ZFAND6: variants seen among roughly 807,000 people sequenced by gnomAD.
ZFAND6 encodes AN1-type zinc finger protein 6.
A neutral mutation model predicts 24.5 loss-of-function variants in ZFAND6; 12 were observed. The observed-to-expected ratio is 0.49, with a 90% CI of 0.31 to 0.79. The LOEUF (loss-of-function observed/expected upper bound fraction) is 0.79, where lower values mean the gene tolerates loss of function less well. Among genes scored for constraint, ZFAND6 ranks in the 30% least tolerant of loss-of-function variants. ZFAND6 has a pLI of 0.04. For synonymous variants in ZFAND6, 92 were observed against 81.5 expected, an observed-to-expected ratio of 1.13 and a Z score of -0.69; for missense variants, 207 against 245.9, an observed-to-expected ratio of 0.84 and a Z score of 1.06.
intron 2 of ZFAND6, among the ~76,000 whole-genome samples, chr15:80,107,676 G>A (rs1217231291): frequency 6.6e-6 from 1 of 152,070 alleles, no homozygotes; most frequent in Non-Finnish European, 1.5e-5. Context: ...AACACAAAAA[G>A]TCATGATGAT....
intron 1 of ZFAND6, among the ~76,000 whole-genome samples, chr15:80,074,151 T>A (rs2037134704): frequency 6.6e-6 from 1 of 151,928 alleles, no homozygotes; most frequent in Non-Finnish European, 1.5e-5. Flanking sequence ...GTTGATTAGT[T>A]TTTGCCTAAA....
At position 80,062,132 on chromosome 15, in the gene ZFAND6, TC is replaced by T. The variant is rs199789595; in HGVS notation, c.-181+2325del. 1.2e-3 allele frequency among the ~76,000 whole-genome samples: 181 copies of T among 152,324 alleles called. 1 individual carries two copies. In the East Asian group the frequency reaches 0.032, roughly 27 times the overall value. On this transcript the variant is annotated intron_variant, in intron 1 of 6. Coordinates refer to ENST00000261749, the MANE Select transcript of ZFAND6 (RefSeq NM_019006.4). ...TAAAATAAATTATCCTTTCTGCTGTTCCTCTCCTCCCCTCTAATCTCTAGCA... is the reference window on the plus strand; with the variant it reads ...TAAAATAAATTATCCTTTCTGCTGTTCTCTCCTCCCCTCTAATCTCTAGCA...
At chr15:80,082,459 T>TA (rs1434763222) in intron 1 of ZFAND6, among the ~76,000 whole-genome samples, 3 of 152,240 alleles carry the variant, frequency 2.0e-5, no homozygotes, top group Non-Finnish European at 2.9e-5. Flanking sequence ...GGAAGGCTGA[T>TA]ACCAGAGCAT....
intron 4 of ZFAND6, 66 bp from the exon 5 acceptor site, chr15:80,122,632 CTG>C: frequency 1.0e-6 from 1 of 987,734 alleles, no homozygotes; most frequent in Non-Finnish European, 1.6e-6. Flanking sequence ...TGAACTCTTA[CTG>C]TGTCACATTA....
At chr15:80,111,287 C>T (rs2039595969) in intron 2 of ZFAND6, 1 of 320,958 alleles carries the variant, frequency 3.1e-6, no homozygotes, top group South Asian at 2.6e-5. Context: ...ATATATCAGT[C>T]ATCCCTCAGT....
chr15:80,068,673 G>T (rs1205194254), intron 1 of ZFAND6, among the ~76,000 whole-genome samples: 1 of 152,214 alleles, frequency 6.6e-6, no homozygotes, highest in Non-Finnish European at 1.5e-5. Context: ...CGCTCAGCCG[G>T]TCTTGAACTT....
chr15:80,136,746 C>G (rs1288241829), intron 6 of ZFAND6, among the ~76,000 whole-genome samples: 1 of 152,100 alleles, frequency 6.6e-6, no homozygotes, highest in Non-Finnish European at 1.5e-5. Context: ...GGGAGCAGGA[C>G]CAGTTTTATT....
chr15:80,087,222 C>T (rs1469607165), intron 1 of ZFAND6, among the ~76,000 whole-genome samples: 3 of 152,150 alleles, frequency 2.0e-5, no homozygotes, highest in East Asian at 1.9e-4. Context: ...TAACTTCATA[C>T]GAAATGGTCA....
Position 80,138,116 on chromosome 15 carries a change from A to T in ZFAND6, c.*488A>T, listed in dbSNP as rs545822360. 1.3e-5 allele frequency: 2 copies of T among 153,040 alleles called. No homozygotes were observed. Among genetic ancestry groups the T allele is most frequent in the South Asian group, 2.1e-4 (1 of 4,840 alleles). 9.5% of individuals were successfully genotyped at this position (153,040 alleles called of 1,614,324 possible). A position where few individuals can be genotyped will look rare whatever the true frequency, so the allele number is the denominator to read the frequency against. On this transcript the variant is annotated 3_prime_UTR_variant, in exon 7 of 7. Coordinates refer to ENST00000261749, the MANE Select transcript of ZFAND6 (RefSeq NM_019006.4). Reference sequence around the variant, plus strand: ...CATTAACAAAGGTTATTCATATGTTAGCATATAGTTTCTTTGCACCCACTA... The same window carrying T: ...CATTAACAAAGGTTATTCATATGTTTGCATATAGTTTCTTTGCACCCACTA...
chr15:80,059,081 G>A (rs1293723322), upstream of ZFAND6, among the ~76,000 whole-genome samples: 1 of 152,232 alleles, frequency 6.6e-6, no homozygotes, highest in African/African-American at 2.4e-5. Context: ...CACGCTTCTC[G>A]TCTTGCTTCT....
chr15:80,129,765 G>T (rs1467439792), intron 5 of ZFAND6: 1 of 152,184 alleles, frequency 6.6e-6, no homozygotes, highest in Non-Finnish European at 1.5e-5. Context: ...CCCCAAGGTT[G>T]TTGGAGAGGC....
Position 80,077,946 on chromosome 15 carries a change from G to A in ZFAND6, c.-181+18137G>A, listed in dbSNP as rs565639326. Among the ~76,000 whole-genome samples the A allele has an allele frequency of 5.3e-5, 8 of 152,074 alleles. No homozygotes were observed. The East Asian group carries it at 7.7e-4, about 15-fold the overall frequency. Reference sequence around the variant, plus strand: ...AACTCCTGACCCTTGTGATCCACCCGCCTCGGCCTCCCAAAGTGCTGGGAT... The same window carrying A: ...AACTCCTGACCCTTGTGATCCACCCACCTCGGCCTCCCAAAGTGCTGGGAT... On this transcript the variant is annotated intron_variant, in intron 1 of 6. Coordinates refer to ENST00000261749, the MANE Select transcript of ZFAND6 (RefSeq NM_019006.4).
chr15:80,087,230 T>C (rs975069024), intron 1 of ZFAND6, among the ~76,000 whole-genome samples: 1 of 152,240 alleles, frequency 6.6e-6, no homozygotes, highest in Non-Finnish European at 1.5e-5. Flanking sequence ...TACGAAATGG[T>C]CAAACTGTTT....
At chr15:80,100,646 A>G (rs555601525) in intron 2 of ZFAND6, among the ~76,000 whole-genome samples, 3 of 152,272 alleles carry the variant, frequency 2.0e-5, no homozygotes, top group African/African-American at 7.2e-5. Flanking sequence ...TCTACCCTTT[A>G]CCTTACCACA....
At chr15:80,096,396 T>G (rs2038722628) in intron 1 of ZFAND6, among the ~76,000 whole-genome samples, 1 of 152,224 alleles carries the variant, frequency 6.6e-6, no homozygotes, top group African/African-American at 2.4e-5. Context: ...TGAAGCAAAG[T>G]TAGACACTTG....
intron 6 of ZFAND6, 29 bp downstream of exon 6, chr15:80,131,322 T>A: frequency 6.3e-7 from 1 of 1,582,080 alleles, no homozygotes. Flanking sequence ...TGTTTAAAAT[T>A]AAAATGATGT....
chr15:80,129,142 C>G (rs2040489278), intron 5 of ZFAND6, among the ~76,000 whole-genome samples: 1 of 152,128 alleles, frequency 6.6e-6, no homozygotes, highest in Non-Finnish European at 1.5e-5. Flanking sequence ...GTTCTAGGAG[C>G]TGGAGATAAA....
chr15:80,096,392 A>G (rs906105202), intron 1 of ZFAND6, among the ~76,000 whole-genome samples: 3 of 152,246 alleles, frequency 2.0e-5, no homozygotes, highest in Admixed American at 6.5e-5. Context: ...CTACTGAAGC[A>G]AAGTTAGACA....
chr15:80,097,307 G>C (rs1442604102), intron 1 of ZFAND6, among the ~76,000 whole-genome samples: 2 of 152,018 alleles, frequency 1.3e-5, no homozygotes, highest in Non-Finnish European at 2.9e-5. Context: ...GCATGTGTCA[G>C]ATTTTTAAAT....
Sources: allele counts gnomAD v4.1 joint callset (sites outside exome capture counted in the v4.1 genomes callset), GRCh38; gene constraint gnomAD v4.1.1; transcripts MANE v1.5; gene names NCBI Gene and HGNC (gene_info 2026-07-23, HGNC 2026-07-21).